Variants in ANXA6 observed in about 807,000 individuals in gnomAD.
ANXA6 encodes the protein 67 kDa calelectrin.
In ANXA6, 71 loss-of-function variants were observed where a neutral mutation model predicts 95.4. That is an observed-to-expected ratio of 0.74 (90% confidence interval 0.61 to 0.91). ANXA6 has a LOEUF of 0.91. ANXA6 is among the 40% of genes least tolerant of loss of function. ANXA6 has a pLI of 0.00. For missense variants in ANXA6, 830 were observed against 876.4 expected (o/e 0.95, Z 0.67); for synonymous variants, 289 against 315.9 (o/e 0.91, Z 0.90).
Position 151,108,547 on chromosome 5 carries a change from A to T in ANXA6, c.1688T>A (p.Phe563Tyr), listed in dbSNP as rs757986727. The T allele has an allele frequency of 6.2e-7, 1 of 1,613,828 alleles. No homozygotes were observed. The highest frequency in any genetic ancestry group is 1.7e-5 in the Admixed American group (1 of 60,006). Residue 563 changes from phenylalanine (F) to tyrosine (Y), a missense_variant, in exon 23 of 26, where the codon TTC becomes TAC. Transcript: ENST00000354546. ...TRSYPHLRRV[F>Y]QEFIKMTNYD... ...GTTGGTCATCTTGATGAACTCCTGG[A>T]AGACTGGCCACAAGAGAAGCCCCAG... is the stretch of plus-strand genomic sequence containing the variant.
In ANXA6 at chr5:151,117,940, A is replaced by AG. The variant is rs1765051306; in HGVS notation, c.1439-104dup. The AG allele has an allele frequency of 3.4e-6, 3 of 894,164 alleles. No individual in the cohort carries two copies. In the South Asian group the frequency reaches 4.3e-5, roughly 13 times the overall value. 55.4% of individuals were successfully genotyped at this position (894,164 alleles called of 1,614,324 possible). A position where few individuals can be genotyped will look rare whatever the true frequency, so the allele number is the denominator to read the frequency against. On this transcript the variant is annotated intron_variant, in intron 18 of 25. Transcript: ENST00000354546. ...AGGCTTGAGCCAGGGCAGTATTGGC[A>AG]GGGGGAGGTGGGGATGAAAGGGTTT...
chr5:151,123,361 A>C (rs1765225208), intron 15 of ANXA6, among the ~76,000 whole-genome samples: 1 of 152,156 alleles, frequency 6.6e-6, no homozygotes, highest in Non-Finnish European at 1.5e-5. Flanking sequence ...CATCTGTAAC[A>C]TGAAGAGGCT....
At chr5:151,106,143 C>T (rs1425508427) in intron 23 of ANXA6, among the ~76,000 whole-genome samples, 1 of 152,142 alleles carries the variant, frequency 6.6e-6, no homozygotes, top group Non-Finnish European at 1.5e-5. Context: ...GCAGGATTGG[C>T]AGCCCCTGCT....
intron 7 of ANXA6, among the ~76,000 whole-genome samples, chr5:151,134,867 A>C (rs1323395462): frequency 6.6e-6 from 1 of 152,178 alleles, no homozygotes; most frequent in Non-Finnish European, 1.5e-5. Flanking sequence ...CAACGATTCC[A>C]CAGGGGCAAA....
In ANXA6 at chr5:151,133,173, T is replaced by C; in HGVS notation, c.561A>G (p.Ala187=). 6.3e-7 allele frequency: 1 copy of C among 1,589,164 alleles called. No homozygotes were observed. The highest frequency in any genetic ancestry group is 1.2e-5 in the South Asian group (1 of 86,882). Residue 187 remains alanine (A), a synonymous_variant, in exon 9 of 26, where the codon GCA becomes GCG. Coordinates refer to ENST00000354546, the MANE Select transcript of ANXA6 (RefSeq NM_001155.5). ...CATCTGTTCCCCATTTCAGTTCCCCTGCCTCGTATAGGTCCTGAAGGGGAA... is the reference window on the plus strand; with the variant it reads ...CATCTGTTCCCCATTTCAGTTCCCCCGCCTCGTATAGGTCCTGAAGGGGAA... ...VQQDVQDLYE[A]GELKWGTDEA... is the part of the protein sequence containing the mutation.
chr5:151,109,747 C>G lies in ANXA6; in HGVS notation c.1684+6G>C, dbSNP rs1264327179. 4 of 1,603,654 alleles carry G rather than the reference C, an allele frequency of 2.5e-6. No homozygotes were observed. Among genetic ancestry groups the G allele is most frequent in the Non-Finnish European group, 3.4e-6 (4 of 1,174,382 alleles). ...TGAGCTGGGAAGGGAGGAGGTCAGG[C>G]CTCACCTCTCCGGAGGTGCGGATAG... is the stretch of plus-strand genomic sequence containing the variant. On this transcript the variant is annotated splice_donor_region_variant and intron_variant, in intron 22 of 25. Coordinates refer to ENST00000354546, the MANE Select transcript of ANXA6 (RefSeq NM_001155.5).
rs765983170 is a variant in ANXA6, at chr5:151,109,765, G to A, written c.1672C>T (p.His558Tyr). The A allele has an allele frequency of 2.5e-6, 4 of 1,610,014 alleles. No individual in the cohort carries two copies. The highest frequency in any genetic ancestry group is 2.2e-5 in the South Asian group (2 of 90,254). ...GGTCAGGCCTCACCTCTCCGGAGGT[G>A]CGGATAGCTCCGGGTACACAGGATC... ...MTILCTRSYPHLRRVFQEFIK... is the reference protein window; with the variant it reads ...MTILCTRSYPYLRRVFQEFIK... The change falls in exon 22 of 26, where the codon CAC (histidine) becomes TAC (tyrosine). Residue 558 changes from histidine (H) to tyrosine (Y), a missense_variant. Physicochemically the swap from His to Tyr is moderately conservative, Grantham distance 83. Transcript: ENST00000354546.
chr5:151,119,174 A>C, intron 18 of ANXA6, 126 bp downstream of exon 18: 1 of 771,868 alleles, frequency 1.3e-6, no homozygotes, highest in East Asian at 2.6e-5. Flanking sequence ...CAAGAGGCTT[A>C]TCAAATCCTC....
At chr5:151,109,935 G>A (rs1472700407) in intron 21 of ANXA6, 89 bp from the exon 22 acceptor site, 5 of 1,031,920 alleles carry the variant, frequency 4.8e-6, no homozygotes, top group East Asian at 2.6e-5. Context: ...TGCCTGGGCT[G>A]AGGGCAGTCA....
intron 10 of ANXA6, 28 bp downstream of exon 10, chr5:151,132,448 C>T: frequency 6.4e-7 from 1 of 1,561,034 alleles, no homozygotes; most frequent in East Asian, 2.3e-5. Context: ...TCCCCTAAAG[C>T]CCCCAGGAAT....
Position 151,140,185 on chromosome 5 carries a change from G to A in ANXA6, c.77C>T (p.Ala26Val). Residue 26 changes from alanine to valine, a missense_variant, in exon 3 of 26, where the codon GCC becomes GTC. Ala to Val is a moderately conservative substitution (Grantham distance 64). Coordinates refer to ENST00000354546, the MANE Select transcript of ANXA6 (RefSeq NM_001155.5). ...DFPGFDPNQD[A>V]EALYTAMKGF... is the part of the protein sequence containing the mutation. Reference sequence around the variant, plus strand: ...CTTCATGGCAGTGTACAGAGCCTCGGCATCCTGGTTGGGGTCAAAGCCTGG... The same window carrying A: ...CTTCATGGCAGTGTACAGAGCCTCGACATCCTGGTTGGGGTCAAAGCCTGG... 6.2e-7 allele frequency: 1 copy of A among 1,613,928 alleles called. No homozygotes were observed. The highest frequency in any genetic ancestry group is 8.5e-7 in the Non-Finnish European group (1 of 1,179,872).
Position 151,100,977 on chromosome 5 carries a change from G to A in ANXA6, c.*471C>T, listed in dbSNP as rs1186273921. 1 of 457,572 alleles carries A rather than the reference G, an allele frequency of 2.2e-6. No individual in the cohort carries two copies. Among genetic ancestry groups the A allele is most frequent in the South Asian group, 1.5e-5 (1 of 64,574 alleles). 28.3% of individuals were successfully genotyped at this position (457,572 alleles called of 1,614,324 possible). A position where few individuals can be genotyped will look rare whatever the true frequency, so the allele number is the denominator to read the frequency against. ...TCTAGCGCGGCCTGGATGGAGATGG[G>A]TGGTGAAATGGATGGGAAGATTTGT... On this transcript the variant is annotated 3_prime_UTR_variant, in exon 26 of 26. Transcript: ENST00000354546.
At position 151,117,857 on chromosome 5, in the gene ANXA6, T is replaced by C. The variant is rs1765048472; in HGVS notation, c.1439-20A>G. 3 of 1,601,414 alleles carry C rather than the reference T, an allele frequency of 1.9e-6. No individual in the cohort carries two copies. The highest frequency in any genetic ancestry group is 8.5e-7 in the Non-Finnish European group (1 of 1,169,612). Reference sequence around the variant, plus strand: ...GATAGTCTGAGGCAGAGAAAGGGGGTGTGGGTAGCTGCTGGCCAAGAAGGA... The same window carrying C: ...GATAGTCTGAGGCAGAGAAAGGGGGCGTGGGTAGCTGCTGGCCAAGAAGGA... On this transcript the variant is annotated intron_variant, in intron 18 of 25. Coordinates refer to ENST00000354546, the MANE Select transcript of ANXA6 (RefSeq NM_001155.5).
At chr5:151,106,087 T>G (rs1222809743) in intron 23 of ANXA6, among the ~76,000 whole-genome samples, 1 of 152,106 alleles carries the variant, frequency 6.6e-6, no homozygotes, top group African/African-American at 2.4e-5. Context: ...TAAGGGACCA[T>G]GCAAATCCCT....
intron 20 of ANXA6, among the ~76,000 whole-genome samples, chr5:151,114,226 G>A (rs1304809401): frequency 3.3e-5 from 5 of 152,178 alleles, no homozygotes; most frequent in African/African-American, 1.2e-4. Context: ...GTTGCATTAA[G>A]TCTGTGAAGA....
chr5:151,113,880 T>C (rs1038187326), intron 20 of ANXA6, among the ~76,000 whole-genome samples: 1 of 152,192 alleles, frequency 6.6e-6, no homozygotes, highest in African/African-American at 2.4e-5. Context: ...ATAACCCAAA[T>C]GTCCATCAGC....
rs546238685 is a variant in ANXA6 at position 151,115,341 on chromosome 5, A to G, written c.1572+1786T>C. ...AGAATGTACTGCTAGTTATAAGAAA[A>G]TGAGCTTGGGTCTAGCATCCTAAAT... On this transcript the variant is annotated intron_variant, in intron 20 of 25. Transcript: ENST00000354546. Among the ~76,000 whole-genome samples the G allele has an allele frequency of 1.3e-4, 20 of 152,332 alleles. No homozygotes were observed. The South Asian group carries it at 4.1e-3, about 32-fold the overall frequency.
chr5:151,155,642 T>C (rs1247975121), intron 1 of ANXA6: 1 of 152,118 alleles, frequency 6.6e-6, no homozygotes, highest in Non-Finnish European at 1.5e-5. Flanking sequence ...ACCCAGGAAG[T>C]ATATCGGAGA....
intron 12 of ANXA6, 62 bp downstream of exon 12, chr5:151,129,345 A>C (rs1022616865): frequency 3.1e-5 from 50 of 1,599,192 alleles, no homozygotes; most frequent in Non-Finnish European, 4.1e-5. Flanking sequence ...AATAGTCCCC[A>C]AGCCCTCTGT....
Sources: allele counts gnomAD v4.1 joint callset (sites outside exome capture counted in the v4.1 genomes callset), GRCh38; gene constraint gnomAD v4.1.1; transcripts MANE v1.5; gene names NCBI Gene and HGNC (gene_info 2026-07-23, HGNC 2026-07-21).